The following LMLN variants were observed in gnomAD, a reference collection of about 807,000 sequenced individuals.
The protein encoded by LMLN is leishmanolysin like peptidase.
Under a neutral mutation model 92.3 loss-of-function variants are expected in LMLN, and 70 were observed. The ratio of observed to expected loss-of-function variants is 0.76; its 90% CI spans 0.63 to 0.92. The LOEUF (loss-of-function observed/expected upper bound fraction) is 0.92, where lower values mean the gene tolerates loss of function less well. Among genes scored for constraint, LMLN ranks in the 40% least tolerant of loss-of-function variants. The pLI, the probability that LMLN is intolerant of heterozygous loss-of-function variation, is 0.00. For missense variants in LMLN, 691 were observed against 814.6 expected (o/e 0.85, Z 1.85); for synonymous variants, 308 against 296.2 (o/e 1.04, Z -0.41).
chr3:197,979,923 ATTTT>A (rs963025535), intron 5 of LMLN, among the ~76,000 whole-genome samples: 1 of 152,030 alleles, frequency 6.6e-6, no homozygotes. Context: ...ATTAGGTAAG[ATTTT>A]TTTTACCACT....
At chr3:197,987,321 G>A (rs1185070200) in intron 8 of LMLN, among the ~76,000 whole-genome samples, 2 of 151,576 alleles carry the variant, frequency 1.3e-5, no homozygotes, top group Non-Finnish European at 2.9e-5. Flanking sequence ...CAACACGCCC[G>A]GCTGATTTTT....
At chr3:198,027,837 CT>C (rs1258120441) in intron 14 of LMLN, among the ~76,000 whole-genome samples, 1 of 152,198 alleles carries the variant, frequency 6.6e-6, no homozygotes, top group Non-Finnish European at 1.5e-5. Flanking sequence ...TTCCGCGTAT[CT>C]GTCTGAGTCC....
intron 4 of LMLN, 112 bp from the exon 5 acceptor site, chr3:197,976,486 G>T: frequency 1.7e-6 from 1 of 577,570 alleles, no homozygotes. Flanking sequence ...GACTAAAATA[G>T]TAACATTATT....
intron 14 of LMLN, among the ~76,000 whole-genome samples, chr3:198,030,735 T>C (rs1723055517): frequency 6.6e-6 from 1 of 152,188 alleles, no homozygotes; most frequent in South Asian, 2.1e-4. Context: ...TCATATTCTT[T>C]TTTGGATTTT....
intron 1 of LMLN, among the ~76,000 whole-genome samples, chr3:197,962,594 A>G (rs564810242): frequency 6.6e-6 from 1 of 152,344 alleles, no homozygotes; most frequent in East Asian, 1.9e-4. Flanking sequence ...CATCAACAAA[A>G]TATTAGTTAT....
At position 198,019,455 on chromosome 3, in the gene LMLN, G is replaced by C; in HGVS notation, c.1365+70G>C. 1 of 1,434,828 alleles carries C rather than the reference G, an allele frequency of 7.0e-7. No homozygotes were observed. The highest frequency in any genetic ancestry group is 9.4e-7 in the Non-Finnish European group (1 of 1,062,908). The allele number at this position is 1,434,828 out of a possible 1,614,324, so 88.9% of individuals were successfully genotyped here. A position where few individuals can be genotyped will look rare whatever the true frequency, so the allele number is the denominator to read the frequency against. On this transcript the variant is annotated intron_variant, in intron 12 of 15. Transcript: ENST00000330198. This position sits in a 1 kb window ranked among gnomAD's most constrained non-coding sequence, Gnocchi z 5.5. ...AGTAGTCTCCATTTTAACTAAAAGA[G>C]TAAATTCTCTTAAGATTCTTAATTT...
chr3:198,032,962 T>C (rs1249934047), intron 14 of LMLN, among the ~76,000 whole-genome samples: 1 of 152,206 alleles, frequency 6.6e-6, no homozygotes, highest in African/African-American at 2.4e-5. Flanking sequence ...CAGGTGTGGC[T>C]GTGGCAGTCC....
chr3:197,980,273 C>G, intron 5 of LMLN, 53 bp from the exon 6 acceptor site: 1 of 1,474,736 alleles, frequency 6.8e-7, no homozygotes, highest in Non-Finnish European at 9.3e-7. Context: ...TTAAATGCCA[C>G]TACAGCTAAC....
intron 12 of LMLN, among the ~76,000 whole-genome samples, chr3:198,020,766 GTATTTTTT>G (rs1489411018): frequency 7.8e-5 from 2 of 25,644 alleles, no homozygotes; most frequent in African/African-American, 3.7e-4. Flanking sequence ...GCTAATTTTT[GTATTTTTT>G]TTTTTTTTTT....
chr3:197,980,315 C>T lies in LMLN; in HGVS notation c.550-11C>T, dbSNP rs367556511. Reference sequence around the variant, plus strand: ...TCTGTTCTGGCTTTCTGATGTCTCCCGTGGGTGCAGCAATGCCGGGTCTAC... The same window carrying T: ...TCTGTTCTGGCTTTCTGATGTCTCCTGTGGGTGCAGCAATGCCGGGTCTAC... On this transcript the variant is annotated splice_polypyrimidine_tract_variant and intron_variant, in intron 5 of 15. Transcript: ENST00000330198. The T allele has an allele frequency of 2.0e-5, 32 of 1,607,688 alleles. No homozygotes were observed. The highest frequency in any genetic ancestry group is 1.7e-4 in the Middle Eastern group (1 of 5,940).
At chr3:197,987,359 C>A (rs1338546177) in intron 8 of LMLN, among the ~76,000 whole-genome samples, 2 of 151,542 alleles carry the variant, frequency 1.3e-5, no homozygotes. Context: ...CAGGGTTTCA[C>A]CATGTTAGCC....
At chr3:198,013,006 C>G (rs1301005213) in intron 11 of LMLN, among the ~76,000 whole-genome samples, 3 of 123,994 alleles carry the variant, frequency 2.4e-5, no homozygotes. Flanking sequence ...CCTAACTAGT[C>G]TGACTTCTCT....
intron 15 of LMLN, chr3:198,038,349 G>C (rs1723292674): frequency 2.2e-6 from 1 of 463,802 alleles, no homozygotes; most frequent in South Asian, 3.0e-5. Flanking sequence ...TTTTAACCTT[G>C]ACATAGTGGA....
chr3:198,012,865 C>T (rs935790754), intron 11 of LMLN, among the ~76,000 whole-genome samples: 2 of 139,734 alleles, frequency 1.4e-5, no homozygotes, highest in African/African-American at 6.1e-5. Context: ...AGTCTGACTT[C>T]TCTGTACCCT....
chr3:197,972,498 T>C (rs963401602), intron 1 of LMLN, among the ~76,000 whole-genome samples: 3 of 152,204 alleles, frequency 2.0e-5, no homozygotes, highest in Non-Finnish European at 4.4e-5. Context: ...ATGTTTTCTT[T>C]TAAGTTCCTG....
At chr3:197,962,207 T>A (rs1039629861) in intron 1 of LMLN, among the ~76,000 whole-genome samples, 1 of 152,108 alleles carries the variant, frequency 6.6e-6, no homozygotes, top group African/African-American at 2.4e-5. Context: ...TGGCCAATTC[T>A]AGAGCTTCGT....
At position 197,999,419 on chromosome 3, in the gene LMLN, G is replaced by T. The variant is rs1722112288; in HGVS notation, c.1232+77G>T. Reference sequence around the variant, plus strand: ...TACTGAGCTTATAGCTTAAGAAAATGCTGACATTTTATGCTGAAGCAAAAT... The same window carrying T: ...TACTGAGCTTATAGCTTAAGAAAATTCTGACATTTTATGCTGAAGCAAAAT... On this transcript the variant is annotated intron_variant, in intron 11 of 15. Transcript: ENST00000330198. 6.6e-6 allele frequency: 7 copies of T among 1,053,902 alleles called. No homozygotes were observed. In the East Asian group the frequency reaches 1.7e-4, roughly 25 times the overall value. 65.3% of individuals were successfully genotyped at this position (1,053,902 alleles called of 1,614,324 possible).
At chr3:198,041,239 G>C (rs1379135485) in exon 16 of LMLN, 1 of 152,178 alleles carries the variant, frequency 6.6e-6, no homozygotes, top group East Asian at 1.9e-4. Flanking sequence ...TGAAAAGCTG[G>C]GAATCTCAAA....
Position 197,991,924 on chromosome 3 carries a change from C to T in LMLN, c.1047+1248C>T, listed in dbSNP as rs180803712. On this transcript the variant is annotated intron_variant, in intron 9 of 15. Coordinates refer to ENST00000330198, the Ensembl canonical transcript of LMLN. ...TTGCCCAGGCTGGAGTGCAATGGCA[C>T]GAGCTCAGCTCAATGTAACCTCTGC... Among the ~76,000 whole-genome samples, 391 of 147,536 alleles carry T rather than the reference C, an allele frequency of 2.7e-3. 4 individuals are homozygous for T. Among genetic ancestry groups the T allele is most frequent in the African/African-American group, 9.3e-3 (372 of 39,878 alleles).
Sources: allele counts gnomAD v4.1 joint callset (sites outside exome capture counted in the v4.1 genomes callset), GRCh38; gene constraint gnomAD v4.1.1; non-coding constraint Gnocchi (gnomAD v3.1); transcripts MANE v1.5; gene names NCBI Gene and HGNC (gene_info 2026-07-23, HGNC 2026-07-21).